Variants in COL6A5 observed in about 807,000 individuals in gnomAD.
COL6A5 encodes collagen alpha-5(VI) chain.
A neutral mutation model predicts 65.6 loss-of-function variants in COL6A5; 48 were observed. The ratio of observed to expected loss-of-function variants is 0.73; its 90% confidence interval spans 0.58 to 0.93. The LOEUF (loss-of-function observed/expected upper bound fraction) is 0.93, where lower values mean the gene tolerates loss of function less well. COL6A5 is among the 40% of genes least tolerant of loss of function. The pLI, the probability that COL6A5 is intolerant of heterozygous loss-of-function variation, is 0.00. For missense variants in COL6A5, 914 were observed against 928.3 expected (o/e 0.98, Z 0.20); for synonymous variants, 291 against 322.8 (o/e 0.90, Z 1.05).
intron 1 of COL6A5, among the ~76,000 whole-genome samples, chr3:130,356,332 T>C (rs1934925778): frequency 6.6e-6 from 1 of 152,108 alleles, no homozygotes; most frequent in Non-Finnish European, 1.5e-5. Context: ...GGGGAAATGT[T>C]GAGACACTCA....
chr3:130,397,007 C>T (rs1304747238), intron 8 of COL6A5, among the ~76,000 whole-genome samples: 9 of 152,238 alleles, frequency 5.9e-5, no homozygotes, highest in South Asian at 2.1e-4. Flanking sequence ...GGACTACAGG[C>T]GCCCGCCACC....
At chr3:130,396,513 C>A (rs1024557310) in intron 8 of COL6A5, among the ~76,000 whole-genome samples, 1 of 152,218 alleles carries the variant, frequency 6.6e-6, no homozygotes, top group African/African-American at 2.4e-5. Context: ...TCAGAATAAC[C>A]AAATGGCAGC....
chr3:130,375,520 G>C (rs138598832), intron 2 of COL6A5, among the ~76,000 whole-genome samples: 10 of 152,088 alleles, frequency 6.6e-5, no homozygotes, highest in Non-Finnish European at 1.0e-4. Flanking sequence ...CCCCATCTTA[G>C]ACTCTGTTCT....
At chr3:130,399,914 G>A (rs1355844940) in intron 10 of COL6A5, among the ~76,000 whole-genome samples, 1 of 151,694 alleles carries the variant, frequency 6.6e-6, no homozygotes, top group African/African-American at 2.4e-5. Flanking sequence ...CACCATGCCT[G>A]GCTAAATTTT....
exon 5 of COL6A5, chr3:130,384,915 T>C: frequency 6.4e-7 from 1 of 1,550,902 alleles, no homozygotes; most frequent in Non-Finnish European, 8.7e-7. Context: ...GTGACAGAAA[T>C]GTTTAGCATT....
At chr3:130,427,424 C>G (rs1937626974), upstream of COL6A5, among the ~76,000 whole-genome samples, 1 of 152,012 alleles carries the variant, frequency 6.6e-6, no homozygotes, top group Non-Finnish European at 1.5e-5. Context: ...AAGGAAAGAA[C>G]AGCAAAAAAG....
chr3:130,379,756 C>T (rs1183505825), exon 4 of COL6A5: 12 of 1,551,316 alleles, frequency 7.7e-6, no homozygotes, highest in Non-Finnish European at 1.0e-5. Context: ...CAGAAGAGCA[C>T]AAGGAGTGCC....
exon 8 of COL6A5, chr3:130,394,994 G>A (rs747495839): frequency 1.5e-5 from 24 of 1,551,112 alleles, no homozygotes; most frequent in African/African-American, 2.7e-5. Context: ...AGACTTAATC[G>A]ATAATTTTGA....
chr3:130,467,728 T>C (rs1053534819), intron 5 of COL6A5, among the ~76,000 whole-genome samples: 15 of 152,102 alleles, frequency 9.9e-5, no homozygotes, highest in African/African-American at 2.7e-4. Context: ...TTTATTTCTA[T>C]ATTAGGCTTA....
Position 130,417,218 on chromosome 3 carries a change from AATG to A in COL6A5, c.4887+403_4887+405del, listed in dbSNP as rs1937370602. On this transcript the variant is annotated intron_variant and NMD_transcript_variant, in intron 24 of 41. Transcript: ENST00000312481. ...TCTCTTCCTGTGTTAGTTTGCTGAG[AATG>A]ATGGCTTCCAGCTTCATCCATGTTC... Among the ~76,000 whole-genome samples, 8 of 152,226 alleles carry A rather than the reference AATG, an allele frequency of 5.3e-5. 1 individual carries two copies. The South Asian group carries it at 1.7e-3, about 32-fold the overall frequency.
chr3:130,399,623 G>A (rs1425147900), intron 10 of COL6A5, among the ~76,000 whole-genome samples: 3 of 151,814 alleles, frequency 2.0e-5, no homozygotes, highest in East Asian at 1.9e-4. Context: ...CGCCCACCTC[G>A]GCCTCCCAAA....
At chr3:130,370,741 C>T (rs945507672) in intron 1 of COL6A5, among the ~76,000 whole-genome samples, 4 of 151,966 alleles carry the variant, frequency 2.6e-5, no homozygotes, top group African/African-American at 7.3e-5. Flanking sequence ...TATTTGGTAC[C>T]CAAAGGATAG....
chr3:130,460,116 G>GCAGTA (rs1709669580), intron 5 of COL6A5, among the ~76,000 whole-genome samples: 1 of 152,094 alleles, frequency 6.6e-6, no homozygotes, highest in African/African-American at 2.4e-5. Context: ...ATAAAATGCA[G>GCAGTA]CAGTATTGGC....
chr3:130,368,185 G>T (rs1028115555), intron 1 of COL6A5, among the ~76,000 whole-genome samples: 1 of 152,202 alleles, frequency 6.6e-6, no homozygotes, highest in African/African-American at 2.4e-5. Flanking sequence ...TGTCTGGAAT[G>T]CTCCAATATG....
exon 8 of COL6A5, chr3:130,484,495 C>T (rs1200294822): frequency 2.5e-6 from 1 of 401,390 alleles, no homozygotes. Context: ...GAAAGCCATG[C>T]CCATGTCATC....
chr3:130,483,643 G>C (rs1248098455), intron 7 of COL6A5, among the ~76,000 whole-genome samples: 1 of 152,044 alleles, frequency 6.6e-6, no homozygotes, highest in Non-Finnish European at 1.5e-5. Flanking sequence ...GCCCAGAAGG[G>C]GAAGACAGAA....
intron 1 of COL6A5, among the ~76,000 whole-genome samples, chr3:130,346,376 A>G (rs1291446977): frequency 6.6e-6 from 1 of 152,176 alleles, no homozygotes; most frequent in Non-Finnish European, 1.5e-5. Flanking sequence ...CTTAGAAGTC[A>G]CTTAGTCCTA....
chr3:130,371,630 G>A (rs566543276), intron 1 of COL6A5, among the ~76,000 whole-genome samples: 3 of 151,656 alleles, frequency 2.0e-5, no homozygotes, highest in African/African-American at 4.9e-5. Context: ...ATCCACATAC[G>A]AAAGAGTGAA....
rs146554118 is a variant in COL6A5, at chr3:130,419,803, TAGAA to T, written c.4950+877_4950+880del. ...TGGTCAAAGTATACAAAATTTCAAT[TAGAA>T]AGAAGTAATAAGTTCAAGAGATCTA... is the stretch of plus-strand genomic sequence containing the variant. On this transcript the variant is annotated intron_variant and NMD_transcript_variant, in intron 25 of 41. Transcript: ENST00000312481. Among the ~76,000 whole-genome samples, 887 of 152,182 alleles carry T rather than the reference TAGAA, an allele frequency of 5.8e-3. 51 individuals are homozygous for T. In the East Asian group the frequency reaches 0.15, roughly 25 times the overall value.
Sources: allele counts gnomAD v4.1 joint callset (sites outside exome capture counted in the v4.1 genomes callset), GRCh38; gene constraint gnomAD v4.1.1; transcripts MANE v1.5; gene names NCBI Gene and HGNC (gene_info 2026-07-23, HGNC 2026-07-21).